LRRC28: variants seen among roughly 807,000 people sequenced by gnomAD.
LRRC28 encodes leucine rich repeat containing 28.
A neutral mutation model predicts 45.7 loss-of-function variants in LRRC28; 39 were observed. That is an observed-to-expected ratio of 0.85 (90% CI 0.66 to 1.12). The LOEUF is 1.12. Among genes scored for constraint, LRRC28 ranks in the 50% most tolerant of loss-of-function variants. LRRC28 has a pLI of 0.00. For synonymous variants in LRRC28, 206 were observed against 178.8 expected, an observed-to-expected ratio of 1.15 and a Z score of -1.22; for missense variants, 435 against 438.5, an observed-to-expected ratio of 0.99 and a Z score of 0.07.
At chr15:99,267,569 ATC>A (rs902051841) in intron 2 of LRRC28, among the ~76,000 whole-genome samples, 4 of 152,174 alleles carry the variant, frequency 2.6e-5, no homozygotes, top group African/African-American at 9.7e-5. Context: ...GTATAAAAGC[ATC>A]TCTGTTTCTT....
intron 7 of LRRC28, among the ~76,000 whole-genome samples, chr15:99,356,972 C>G (rs1000764327): frequency 6.6e-6 from 1 of 152,176 alleles, no homozygotes; most frequent in Non-Finnish European, 1.5e-5. Flanking sequence ...GTAGCTCTGC[C>G]AAGATGACAG....
intron 9 of LRRC28, among the ~76,000 whole-genome samples, chr15:99,382,418 T>C (rs2152561479): frequency 6.6e-6 from 1 of 152,358 alleles, no homozygotes; most frequent in East Asian, 1.9e-4. Context: ...CACTGGGAGC[T>C]GTAGACTGGA....
intron 8 of LRRC28, among the ~76,000 whole-genome samples, chr15:99,362,609 G>T (rs1275407250): frequency 1.3e-5 from 2 of 152,120 alleles, no homozygotes; most frequent in Admixed American, 1.3e-4. Flanking sequence ...CAAACGCTTG[G>T]TTTCATTATT....
chr15:99,334,204 T>G lies in LRRC28; in HGVS notation c.592+75T>G, dbSNP rs1956247806. On this transcript the variant is annotated intron_variant, in intron 6 of 9. Coordinates refer to ENST00000301981, the MANE Select transcript of LRRC28 (RefSeq NM_144598.5). ...CTTTGTTTCTTTGACTAGAACCAATTAGTTAGTTTCCTTCCTTCTGTTTAT... is the reference window on the plus strand; with the variant it reads ...CTTTGTTTCTTTGACTAGAACCAATGAGTTAGTTTCCTTCCTTCTGTTTAT... The G allele has an allele frequency of 2.6e-6, 4 of 1,515,234 alleles. No individual in the cohort carries two copies. The South Asian group carries it at 4.5e-5, about 17-fold the overall frequency. 93.9% of individuals were successfully genotyped at this position (1,515,234 alleles called of 1,614,324 possible). A position where few individuals can be genotyped will look rare whatever the true frequency, so the allele number is the denominator to read the frequency against.
chr15:99,379,015 T>C (rs933163671), intron 9 of LRRC28, among the ~76,000 whole-genome samples: 3 of 145,120 alleles, frequency 2.1e-5, no homozygotes, highest in African/African-American at 7.7e-5. Flanking sequence ...TTTTGTTGTG[T>C]CTCGCCAGGC....
At chr15:99,274,603 A>G (rs2081567693) in intron 2 of LRRC28, among the ~76,000 whole-genome samples, 1 of 152,218 alleles carries the variant, frequency 6.6e-6, no homozygotes, top group Non-Finnish European at 1.5e-5. Flanking sequence ...TTCAATTATA[A>G]AAGACACATG....
intron 9 of LRRC28, among the ~76,000 whole-genome samples, chr15:99,373,603 A>G (rs1957545143): frequency 6.6e-6 from 1 of 152,180 alleles, no homozygotes; most frequent in Non-Finnish European, 1.5e-5. Flanking sequence ...GCTATCAAAT[A>G]CTAGGTCTTA....
At chr15:99,337,104 C>T (rs1023298267) in intron 6 of LRRC28, among the ~76,000 whole-genome samples, 2 of 152,240 alleles carry the variant, frequency 1.3e-5, no homozygotes, top group Non-Finnish European at 2.9e-5. Flanking sequence ...GTGCCCTTCA[C>T]CTTTGCCTAT....
At chr15:99,272,330 G>A (rs529576469) in intron 2 of LRRC28, among the ~76,000 whole-genome samples, 1 of 152,288 alleles carries the variant, frequency 6.6e-6, no homozygotes, top group Admixed American at 6.5e-5. Flanking sequence ...TGTGGAAGGG[G>A]TGAGGTCTTT....
At chr15:99,385,568 C>T (rs549667641) in intron 9 of LRRC28, among the ~76,000 whole-genome samples, 35 of 152,278 alleles carry the variant, frequency 2.3e-4, no homozygotes, top group Admixed American at 3.3e-4. Flanking sequence ...TATGTGTATG[C>T]GTACATTTGT....
At chr15:99,256,157 AT>A (rs778630331) in intron 2 of LRRC28, 32 bp downstream of exon 2, 2 of 1,554,058 alleles carry the variant, frequency 1.3e-6, no homozygotes, top group African/African-American at 2.8e-5. Flanking sequence ...CTGAAAAATT[AT>A]TTATACATGT....
At chr15:99,278,994 A>G (rs2081701445) in intron 3 of LRRC28, among the ~76,000 whole-genome samples, 1 of 152,222 alleles carries the variant, frequency 6.6e-6, no homozygotes, top group Non-Finnish European at 1.5e-5. Flanking sequence ...TTTCTGTAGG[A>G]TAGTTCACAA....
chr15:99,367,555 T>C (rs1957373919), intron 9 of LRRC28, among the ~76,000 whole-genome samples: 1 of 152,184 alleles, frequency 6.6e-6, no homozygotes, highest in African/African-American at 2.4e-5. Context: ...TAATCACCTC[T>C]TAAAGGCCTT....
intron 6 of LRRC28, among the ~76,000 whole-genome samples, chr15:99,342,935 A>G (rs1956564527): frequency 6.6e-6 from 1 of 152,252 alleles, no homozygotes; most frequent in South Asian, 2.1e-4. Context: ...TAAAGAAGCT[A>G]GCACTTAAAA....
At chr15:99,354,846 G>A (rs1394146036) in intron 7 of LRRC28, among the ~76,000 whole-genome samples, 1 of 152,192 alleles carries the variant, frequency 6.6e-6, no homozygotes, top group African/African-American at 2.4e-5. Context: ...TGGGATATAA[G>A]AACAGTTTCT....
chr15:99,377,029 G>A (rs1957659981), intron 9 of LRRC28, among the ~76,000 whole-genome samples: 1 of 152,192 alleles, frequency 6.6e-6, no homozygotes, highest in Non-Finnish European at 1.5e-5. Flanking sequence ...CTTTATAGCA[G>A]CTTGATTTAT....
intron 3 of LRRC28, among the ~76,000 whole-genome samples, chr15:99,277,817 A>T (rs1358148310): frequency 6.6e-6 from 1 of 152,166 alleles, no homozygotes; most frequent in Non-Finnish European, 1.5e-5. Flanking sequence ...AGGAACAAAG[A>T]TGTCTTTCCA....
At chr15:99,289,584 A>G (rs2152214769) in intron 5 of LRRC28, among the ~76,000 whole-genome samples, 1 of 152,330 alleles carries the variant, frequency 6.6e-6, no homozygotes, top group South Asian at 2.1e-4. Context: ...ATACTAATGG[A>G]TTAATTTTTA....
intron 2 of LRRC28, among the ~76,000 whole-genome samples, chr15:99,268,351 G>A (rs2081385613): frequency 6.6e-6 from 1 of 152,112 alleles, no homozygotes; most frequent in African/African-American, 2.4e-5. Flanking sequence ...CCTGTAATTT[G>A]TAGTTTCTGC....
Sources: gnomAD v4.1 joint callset for allele counts (sites outside exome capture counted in the v4.1 genomes callset) on GRCh38, gnomAD v4.1.1 for gene constraint, MANE v1.5 for transcripts, NCBI Gene and HGNC (gene_info 2026-07-23, HGNC 2026-07-21) for gene names.